Variants in TENM4 observed in about 807,000 individuals in gnomAD.
TENM4 encodes the protein teneurin transmembrane protein 4.
TENM4 carries 82 observed loss-of-function variants against 243.3 expected under a neutral mutation model. That is an observed-to-expected ratio of 0.34 (90% confidence interval 0.28 to 0.40). The LOEUF is 0.40. Ranked by LOEUF, TENM4 falls within the 10% of genes least tolerant of loss-of-function variation. TENM4 has a pLI of 1.00. For missense variants in TENM4, 3,138 were observed against 3,673.3 expected, an observed-to-expected ratio of 0.85 and a Z score of 3.77; for synonymous variants, 1,412 against 1,456.3, an observed-to-expected ratio of 0.97 and a Z score of 0.69.
At chr11:79,090,992 G>T (rs1252761096) in intron 4 of TENM4, among the ~76,000 whole-genome samples, 1 of 152,170 alleles carries the variant, frequency 6.6e-6, no homozygotes, top group Non-Finnish European at 1.5e-5. Context: ...TTTTGGGGTG[G>T]CTGATACTTG....
At chr11:79,214,972 G>C (rs1382880024) in intron 3 of TENM4, among the ~76,000 whole-genome samples, 1 of 152,216 alleles carries the variant, frequency 6.6e-6, no homozygotes, top group Non-Finnish European at 1.5e-5. Context: ...ATTTATTACT[G>C]CAGCATAACT....
In TENM4 at chr11:79,200,187, C is replaced by T. The variant is rs149591361; in HGVS notation, c.-163+15621G>A. Among the ~76,000 whole-genome samples, 377 of 152,300 alleles carry T rather than the reference C, an allele frequency of 2.5e-3. 1 individual carries two copies. Among genetic ancestry groups the T allele is most frequent in the South Asian group, 7.0e-3 (34 of 4,824 alleles). On this transcript the variant is annotated intron_variant, in intron 3 of 33. Coordinates refer to ENST00000278550, the MANE Select transcript of TENM4 (RefSeq NM_001098816.3). ...CGTGCTCTGTCTCTAGGGATGCCAA[C>T]GCAGGCCTCTTTCAAAAATAGAACC...
chr11:79,172,736 C>G (rs1016023371), intron 3 of TENM4, among the ~76,000 whole-genome samples: 1 of 148,020 alleles, frequency 6.8e-6, no homozygotes, highest in African/African-American at 2.5e-5. Flanking sequence ...GTGATCTTGG[C>G]TCACTGCAAC....
intron 4 of TENM4, among the ~76,000 whole-genome samples, chr11:79,089,693 A>C (rs975455465): frequency 4.6e-5 from 7 of 152,172 alleles, no homozygotes; most frequent in African/African-American, 1.7e-4. Context: ...CAATGGCCGC[A>C]GGCAAGAGTG....
chr11:79,028,019 T>C (rs1246642175), intron 6 of TENM4, among the ~76,000 whole-genome samples: 3 of 152,158 alleles, frequency 2.0e-5, no homozygotes, highest in Non-Finnish European at 4.4e-5. Context: ...AAGCCATAGA[T>C]TGTAGTGGTT....
At chr11:78,793,045 G>C (rs778054250) in intron 15 of TENM4, among the ~76,000 whole-genome samples, 5 of 152,172 alleles carry the variant, frequency 3.3e-5, no homozygotes, top group Admixed American at 1.3e-4. Context: ...GCTGCCCCAG[G>C]CTCGTCTCAT....
chr11:78,839,277 T>C (rs879429186), intron 12 of TENM4, among the ~76,000 whole-genome samples: 2 of 152,186 alleles, frequency 1.3e-5, no homozygotes, highest in Non-Finnish European at 2.9e-5. Flanking sequence ...CACCTTCCCA[T>C]CTAGGAACAT....
chr11:79,081,264 T>C (rs1860664640), intron 4 of TENM4, among the ~76,000 whole-genome samples: 1 of 152,198 alleles, frequency 6.6e-6, no homozygotes, highest in African/African-American at 2.4e-5. Context: ...TTTAGAGACA[T>C]CCTTTCTGCT....
At chr11:79,218,315 G>C (rs1043415405) in intron 2 of TENM4, among the ~76,000 whole-genome samples, 1 of 141,554 alleles carries the variant, frequency 7.1e-6, no homozygotes, top group African/African-American at 2.6e-5. Flanking sequence ...AAATGGGCAA[G>C]GGAAAAGGTA....
intron 5 of TENM4, 65 bp downstream of exon 5, chr11:79,069,657 A>G: frequency 6.7e-7 from 1 of 1,492,110 alleles, no homozygotes. Flanking sequence ...CGCCCACCCG[A>G]GCCCATGCCT....
At chr11:79,298,121 G>C (rs1244638274) in intron 1 of TENM4, among the ~76,000 whole-genome samples, 2 of 152,010 alleles carry the variant, frequency 1.3e-5, no homozygotes, top group Admixed American at 6.5e-5. Context: ...TTTCTCCAAG[G>C]CCTTTCCAGG....
chr11:79,181,938 A>G (rs1302765105), intron 3 of TENM4, among the ~76,000 whole-genome samples: 3 of 104,912 alleles, frequency 2.9e-5, no homozygotes, highest in African/African-American at 1.1e-4. Flanking sequence ...ATTCTGATGA[A>G]AGATCAAAGA....
chr11:78,872,371 G>C (rs1255077698), intron 9 of TENM4, among the ~76,000 whole-genome samples: 5 of 152,222 alleles, frequency 3.3e-5, no homozygotes, highest in Non-Finnish European at 5.9e-5. Context: ...TAGTGATGCA[G>C]TGATCACTGA....
At chr11:79,197,339 G>A (rs1370141922) in intron 3 of TENM4, among the ~76,000 whole-genome samples, 2 of 128,306 alleles carry the variant, frequency 1.6e-5, no homozygotes, top group Admixed American at 1.5e-4. Flanking sequence ...GAATCACCTG[G>A]AAGTTTTTTT....
At chr11:79,032,737 T>A (rs1361606615) in intron 6 of TENM4, among the ~76,000 whole-genome samples, 1 of 152,118 alleles carries the variant, frequency 6.6e-6, no homozygotes, top group African/African-American at 2.4e-5. Flanking sequence ...CCCCCTAAGA[T>A]CCAAAGAACA....
intron 6 of TENM4, among the ~76,000 whole-genome samples, chr11:79,050,176 T>C (rs965426762): frequency 1.3e-5 from 2 of 152,232 alleles, no homozygotes; most frequent in South Asian, 2.1e-4. Context: ...TGAGCTATTA[T>C]GCACTCCCTA....
At chr11:79,166,337 C>T (rs927568765) in intron 3 of TENM4, among the ~76,000 whole-genome samples, 3 of 152,326 alleles carry the variant, frequency 2.0e-5, no homozygotes, top group Non-Finnish European at 2.9e-5. Flanking sequence ...AGAGCATGTT[C>T]TCTTTTTAAG....
At chr11:79,034,150 T>C (rs1425636456) in intron 6 of TENM4, among the ~76,000 whole-genome samples, 1 of 152,216 alleles carries the variant, frequency 6.6e-6, no homozygotes, top group Non-Finnish European at 1.5e-5. Context: ...CAGAGCGACA[T>C]ACAAGCATTT....
intron 6 of TENM4, among the ~76,000 whole-genome samples, chr11:78,935,615 G>A (rs1271809230): frequency 6.6e-6 from 1 of 152,174 alleles, no homozygotes; most frequent in Non-Finnish European, 1.5e-5. Context: ...GTAACAGGAA[G>A]CTGTCTGGGC....
Sources: gnomAD v4.1 joint callset for allele counts (sites outside exome capture counted in the v4.1 genomes callset) on GRCh38, gnomAD v4.1.1 for gene constraint, MANE v1.5 for transcripts, NCBI Gene and HGNC (gene_info 2026-07-23, HGNC 2026-07-21) for gene names.